Variants in PPP1R21 observed in about 807,000 individuals in gnomAD.
PPP1R21 encodes protein phosphatase 1 regulatory subunit 21, also known as KLRAQ motif containing 1.
A neutral mutation model predicts 112.8 loss-of-function variants in PPP1R21; 85 were observed. The ratio of observed to expected loss-of-function variants is 0.75; its 90% confidence interval spans 0.63 to 0.90. The LOEUF (loss-of-function observed/expected upper bound fraction) is 0.90. PPP1R21 is among the 40% of genes least tolerant of loss of function. The pLI, the probability that PPP1R21 is intolerant of heterozygous loss-of-function variation, is 0.00. For synonymous variants in PPP1R21, 381 were observed against 322.3 expected (o/e 1.18, Z -1.95); for missense variants, 1,199 against 901.5 (o/e 1.33, Z -4.23).
At chr2:48,512,834 G>A (rs1670702481) in intron 21 of PPP1R21, among the ~76,000 whole-genome samples, 2 of 152,048 alleles carry the variant, frequency 1.3e-5, no homozygotes, top group South Asian at 4.2e-4. Context: ...CGATCAGGGG[G>A]CTGGTCCTTT....
intron 3 of PPP1R21, among the ~76,000 whole-genome samples, chr2:48,456,797 A>C (rs1667746595): frequency 6.6e-6 from 1 of 152,200 alleles, no homozygotes; most frequent in Admixed American, 6.5e-5. Flanking sequence ...TCACGCCTGT[A>C]ATCCCAGCAC....
intron 13 of PPP1R21, among the ~76,000 whole-genome samples, chr2:48,482,702 G>A (rs1223200442): frequency 1.4e-5 from 2 of 144,726 alleles, no homozygotes; most frequent in Non-Finnish European, 3.0e-5. Context: ...ATAGTCTGTA[G>A]TTGTAATTAT....
At chr2:48,454,794 C>T in intron 3 of PPP1R21, 53 bp downstream of exon 3, 2 of 1,370,440 alleles carry the variant, frequency 1.5e-6, no homozygotes, top group Non-Finnish European at 2.1e-6. Context: ...TTACTGACAC[C>T]TACAGGGCAT....
intron 6 of PPP1R21, among the ~76,000 whole-genome samples, chr2:48,460,724 A>G (rs1262772421): frequency 6.6e-6 from 1 of 152,108 alleles, no homozygotes; most frequent in East Asian, 1.9e-4. Context: ...AAACACAGAA[A>G]GAGTTCAAGG....
Position 48,486,687 on chromosome 2 carries a change from A to G in PPP1R21, c.1375A>G (p.Thr459Ala), listed in dbSNP as rs980537602. 1 of 1,613,840 alleles carries G rather than the reference A, an allele frequency of 6.2e-7. No individual in the cohort carries two copies. Residue 459 changes from threonine to alanine, a missense_variant, in exon 14 of 22, where the codon ACA becomes GCA. Thr to Ala is a moderately conservative substitution (Grantham distance 58, BLOSUM62 0). Coordinates refer to ENST00000294952, the MANE Select transcript of PPP1R21 (RefSeq NM_001135629.3). ...AATAGAGCATGAACTTCCAACAGCAACACAGAAGCTGATAACAACTAATGA... is the reference window on the plus strand; with the variant it reads ...AATAGAGCATGAACTTCCAACAGCAGCACAGAAGCTGATAACAACTAATGA... ...AAIEHELPTATQKLITTNDCI... is the reference protein window; with the variant it reads ...AAIEHELPTAAQKLITTNDCI...
At chr2:48,465,671 T>G in intron 9 of PPP1R21, 29 bp downstream of exon 9, 1 of 1,599,332 alleles carries the variant, frequency 6.3e-7, no homozygotes, top group African/African-American at 1.3e-5. Context: ...ACATTTTGTT[T>G]GCCCTGAACA....
chr2:48,502,841 C>A (rs1047260178), intron 17 of PPP1R21, among the ~76,000 whole-genome samples: 1 of 151,788 alleles, frequency 6.6e-6, no homozygotes. Flanking sequence ...CCACCATGCC[C>A]GGCTAATTTT....
At position 48,491,020 on chromosome 2, in the gene PPP1R21, T is replaced by G; in HGVS notation, c.1449T>G (p.Ile483Met). The G allele has an allele frequency of 6.2e-7, 1 of 1,613,642 alleles. No individual in the cohort carries two copies. Among genetic ancestry groups the G allele is most frequent in the Non-Finnish European group, 8.5e-7 (1 of 1,179,540 alleles). ...TTTCCTTGTCATACTTTGTTTAGATTGCATCCTTCTTCAGCAACAATTTGG... is the reference window on the plus strand; with the variant it reads ...TTTCCTTGTCATACTTTGTTTAGATGGCATCCTTCTTCAGCAACAATTTGG... Reference protein sequence around the residue: ...VVALTNGAGKIASFFSNNLDY... With the variant: ...VVALTNGAGKMASFFSNNLDY... Residue 483 changes from isoleucine to methionine, a missense_variant and splice_region_variant, in exon 15 of 22, where the codon ATT (isoleucine) becomes ATG (methionine). Physicochemically the swap from Ile to Met is conservative, Grantham distance 10. Transcript: ENST00000294952.
intron 3 of PPP1R21, among the ~76,000 whole-genome samples, chr2:48,455,117 C>T (rs964379837): frequency 1.3e-5 from 2 of 151,320 alleles, no homozygotes; most frequent in African/African-American, 2.4e-5. Flanking sequence ...TGATTACAGG[C>T]ATGAGCCATC....
rs548744265 is a variant in PPP1R21, at chr2:48,449,710, T to G, written c.58-1298T>G. 3.2e-4 allele frequency among the ~76,000 whole-genome samples: 49 copies of G among 152,240 alleles called. 1 individual carries two copies. The highest frequency in any genetic ancestry group is 1.2e-3 in the African/African-American group (49 of 41,576). On this transcript the variant is annotated intron_variant, in intron 1 of 21. Coordinates refer to ENST00000294952, the MANE Select transcript of PPP1R21 (RefSeq NM_001135629.3). ...GTTCTCAGGAGACAGATCTGAGCTA[T>G]GCAGAATTAGAAAGATTTTTAAAAA...
intron 12 of PPP1R21, 144 bp downstream of exon 12, chr2:48,474,963 T>G (rs918032681): frequency 1.6e-6 from 1 of 641,968 alleles, no homozygotes; most frequent in Non-Finnish European, 2.6e-6. Flanking sequence ...TCTAGCCCCT[T>G]ATACATTTAT....
chr2:48,475,642 G>A (rs1668719098), intron 12 of PPP1R21, among the ~76,000 whole-genome samples: 1 of 152,192 alleles, frequency 6.6e-6, no homozygotes, highest in African/African-American at 2.4e-5. Context: ...GAGGTTGGAA[G>A]TTCGAGACCA....
intron 2 of PPP1R21, 106 bp from the exon 3 acceptor site, chr2:48,454,489 G>A: frequency 7.2e-7 from 1 of 1,383,084 alleles, no homozygotes; most frequent in Non-Finnish European, 1.0e-6. Context: ...ATTTCCTAAA[G>A]CAAGAGGTTT....
chr2:48,459,613 T>C (rs1490071763), intron 4 of PPP1R21, 141 bp from the exon 5 acceptor site: 2 of 820,166 alleles, frequency 2.4e-6, no homozygotes, highest in Non-Finnish European at 1.9e-6. Context: ...GAGGATTTAA[T>C]GAGATAATGC....
In PPP1R21 at chr2:48,509,234, G is replaced by A. The variant is rs552471281; in HGVS notation, c.2086-781G>A. The stretch of plus-strand genomic sequence containing the variant: ...TTGTAAGTAGCGCATAATCTGTAGG[G>A]TAGGATGGTAAAGCTTTTATTGCTC... On this transcript the variant is annotated intron_variant, in intron 19 of 21. Coordinates refer to ENST00000294952, the MANE Select transcript of PPP1R21 (RefSeq NM_001135629.3). Among the ~76,000 whole-genome samples, 4 of 152,200 alleles carry A rather than the reference G, an allele frequency of 2.6e-5. No homozygotes were observed. In the South Asian group the frequency reaches 8.3e-4, roughly 32 times the overall value.
chr2:48,498,218 C>T (rs981460625), intron 16 of PPP1R21, among the ~76,000 whole-genome samples: 7 of 151,546 alleles, frequency 4.6e-5, no homozygotes, highest in Admixed American at 4.6e-4. Context: ...AAATGCTTTA[C>T]AGATTCTAAT....
intron 1 of PPP1R21, among the ~76,000 whole-genome samples, chr2:48,442,822 G>C (rs148317329): frequency 6.6e-6 from 1 of 152,216 alleles, no homozygotes; most frequent in Non-Finnish European, 1.5e-5. Context: ...AGATAATTTG[G>C]ACCCTATTAT....
intron 17 of PPP1R21, among the ~76,000 whole-genome samples, chr2:48,501,431 AG>A (rs1472489438): frequency 6.6e-6 from 1 of 152,226 alleles, no homozygotes; most frequent in Non-Finnish European, 1.5e-5. Flanking sequence ...CACAGGTCTA[AG>A]GACTTTCCAA....
intron 21 of PPP1R21, among the ~76,000 whole-genome samples, chr2:48,512,305 C>T (rs556325298): frequency 6.6e-5 from 10 of 152,204 alleles, no homozygotes; most frequent in East Asian, 1.9e-4. Context: ...ACTGTAACAA[C>T]GTATGTACTG....
Sources: gnomAD v4.1 joint callset for allele counts (sites outside exome capture counted in the v4.1 genomes callset) on GRCh38, gnomAD v4.1.1 for gene constraint, MANE v1.5 for transcripts, NCBI Gene and HGNC (gene_info 2026-07-23, HGNC 2026-07-21) for gene names.